Variants in SLC17A1 observed in about 807,000 individuals in gnomAD.
SLC17A1 encodes the protein solute carrier family 17 member 1, also known as sodium-dependent phosphate transport protein 1.
SLC17A1 carries 51 observed loss-of-function variants against 53.5 expected under a neutral mutation model. That is an observed-to-expected ratio of 0.95 (90% CI 0.76 to 1.20). The LOEUF (loss-of-function observed/expected upper bound fraction) is 1.20, where lower values mean the gene tolerates loss of function less well. SLC17A1 is among the 50% of genes most tolerant of loss of function. The pLI, the probability that SLC17A1 is intolerant of heterozygous loss-of-function variation, is 0.00. For missense variants in SLC17A1, 538 were observed against 568.2 expected (o/e 0.95, Z 0.54); for synonymous variants, 179 against 198.8 (o/e 0.90, Z 0.84).
intron 3 of SLC17A1, among the ~76,000 whole-genome samples, chr6:25,824,754 A>G (rs1010015617): frequency 1.3e-5 from 2 of 151,876 alleles, no homozygotes; most frequent in Non-Finnish European, 3.0e-5. Context: ...AGTTAAACCC[A>G]GAGAAGGCAA....
chr6:25,827,458 T>G (rs1764791595), intron 2 of SLC17A1, among the ~76,000 whole-genome samples: 1 of 152,144 alleles, frequency 6.6e-6, no homozygotes, highest in South Asian at 2.1e-4. Flanking sequence ...CATGTTCAGT[T>G]AAAGAAGCTA....
the SLC17A1 span, chr6:25,771,058 G>T: frequency 6.8e-7 from 1 of 1,464,348 alleles, no homozygotes. Flanking sequence ...AGAGACTTCT[G>T]TGATGCAATT....
chr6:25,776,513 T>A, the SLC17A1 span: 1 of 1,487,416 alleles, frequency 6.7e-7, no homozygotes, highest in East Asian at 2.3e-5. Context: ...AAGCCACAAA[T>A]GTGGACAGTC....
chr6:25,785,119 C>A (rs1020143696), intron 12 of SLC17A1, among the ~76,000 whole-genome samples: 1 of 151,760 alleles, frequency 6.6e-6, no homozygotes, highest in Admixed American at 6.6e-5. Flanking sequence ...ATGAGCCATC[C>A]AAAAATGAAA....
At chr6:25,783,580 C>A (rs368708786) in intron 12 of SLC17A1, among the ~76,000 whole-genome samples, 1 of 152,076 alleles carries the variant, frequency 6.6e-6, no homozygotes, top group South Asian at 2.1e-4. Context: ...GAAAACAAAA[C>A]AAATCCAAAC....
the SLC17A1 span, among the ~76,000 whole-genome samples, chr6:25,757,260 G>A: frequency 6.6e-6 from 1 of 152,018 alleles, no homozygotes; most frequent in African/African-American, 2.4e-5. Context: ...AAAGGATCAG[G>A]TCTATTTTCT....
the SLC17A1 span, among the ~76,000 whole-genome samples, chr6:25,757,494 G>C: frequency 6.6e-6 from 1 of 152,000 alleles, no homozygotes; most frequent in Admixed American, 6.6e-5. Context: ...AATAGGTCCA[G>C]TCCAGTGAAA....
intron 10 of SLC17A1, among the ~76,000 whole-genome samples, chr6:25,810,031 A>G (rs1217646359): frequency 6.6e-6 from 1 of 152,100 alleles, no homozygotes; most frequent in Admixed American, 6.6e-5. Flanking sequence ...GGTGTCTTCA[A>G]TAAATGCTGT....
intron 10 of SLC17A1, among the ~76,000 whole-genome samples, chr6:25,801,373 AC>A (rs1383154573): frequency 6.6e-6 from 1 of 152,134 alleles, no homozygotes; most frequent in African/African-American, 2.4e-5. Context: ...AGAGCTACTG[AC>A]CTCCAAAATT....
intron 8 of SLC17A1, 126 bp downstream of exon 8, chr6:25,812,705 C>A: frequency 1.5e-6 from 1 of 656,050 alleles, no homozygotes; most frequent in Non-Finnish European, 2.6e-6. Context: ...AGTTAGTTTC[C>A]AGGTGAAGAG....
At chr6:25,742,968 A>G in the SLC17A1 span, among the ~76,000 whole-genome samples, 1 of 152,330 alleles carries the variant, frequency 6.6e-6, no homozygotes, top group Non-Finnish European at 1.5e-5. Context: ...AAGGTTGTAC[A>G]TGCAGATTAT....
In SLC17A1 at chr6:25,830,524, C is replaced by A. The variant is rs1223585184; in HGVS notation, c.34G>T (p.Val12Phe). 1.2e-6 allele frequency: 2 copies of A among 1,611,206 alleles called. No homozygotes were observed. Among genetic ancestry groups the A allele is most frequent in the Non-Finnish European group, 1.7e-6 (2 of 1,177,638 alleles). Residue 12 changes from valine to phenylalanine, a missense_variant and splice_region_variant, in exon 2 of 13, where the codon GTT becomes TTT. Coordinates refer to ENST00000244527, the MANE Select transcript of SLC17A1 (RefSeq NM_005074.5). ...TTAATGGAACAGAATAAAGTGCTAC[C>A]TTTTTTGGGAGGCAACCGGTTATCC... ...QMDNRLPPKK[V>F]PGFCSFRYGL... is the part of the protein sequence containing the mutation.
the SLC17A1 span, among the ~76,000 whole-genome samples, chr6:25,774,656 G>T: frequency 6.6e-6 from 1 of 152,210 alleles, no homozygotes; most frequent in Non-Finnish European, 1.5e-5. Flanking sequence ...TCCTGAGGCT[G>T]GCTGTTGGGA....
intron 10 of SLC17A1, among the ~76,000 whole-genome samples, chr6:25,807,323 G>T (rs944215155): frequency 6.6e-6 from 1 of 151,914 alleles, no homozygotes; most frequent in African/African-American, 2.4e-5. Flanking sequence ...AAGAAAATGC[G>T]GTATATATAC....
intron 10 of SLC17A1, among the ~76,000 whole-genome samples, chr6:25,803,056 C>T (rs1763835343): frequency 6.7e-6 from 1 of 148,784 alleles, no homozygotes; most frequent in Non-Finnish European, 1.5e-5. Context: ...ACGCCATTCT[C>T]CTGCCTCAGC....
At chr6:25,769,573 A>G in the SLC17A1 span, among the ~76,000 whole-genome samples, 6 of 151,780 alleles carry the variant, frequency 4.0e-5, no homozygotes, top group African/African-American at 1.5e-4. Context: ...AAAAAAAAAG[A>G]AAGAAAGAAA....
At chr6:25,762,084 A>G in the SLC17A1 span, 2 of 1,584,342 alleles carry the variant, frequency 1.3e-6, no homozygotes, top group East Asian at 4.5e-5. Context: ...CTGGTAGTAA[A>G]TAAAACTAGG....
At chr6:25,730,992 G>T in the SLC17A1 span, among the ~76,000 whole-genome samples, 9 of 152,170 alleles carry the variant, frequency 5.9e-5, no homozygotes, top group African/African-American at 1.4e-4. Context: ...TACATTTCTG[G>T]CTTGGACAAC....
In SLC17A1 at chr6:25,811,556, A is replaced by T. The variant is rs753881824; in HGVS notation, c.1031-11T>A. On this transcript the variant is annotated splice_polypyrimidine_tract_variant and intron_variant, in intron 9 of 12. Transcript: ENST00000244527. Reference sequence around the variant, plus strand: ...CAGGAAGGAGAAATCCTGGGGAGTGATTCAGACAACATAGTCAGGTGCATC... The same window carrying T: ...CAGGAAGGAGAAATCCTGGGGAGTGTTTCAGACAACATAGTCAGGTGCATC... 1 of 1,613,814 alleles carries T rather than the reference A, an allele frequency of 6.2e-7. No individual in the cohort carries two copies. Among genetic ancestry groups the T allele is most frequent in the East Asian group, 2.2e-5 (1 of 44,860 alleles).
Sources: allele counts gnomAD v4.1 joint callset (sites outside exome capture counted in the v4.1 genomes callset), GRCh38; gene constraint gnomAD v4.1.1; transcripts MANE v1.5; gene names NCBI Gene and HGNC (gene_info 2026-07-23, HGNC 2026-07-21).